BCL2L1: variants seen among roughly 807,000 people sequenced by gnomAD.
BCL2L1 encodes the protein bcl-2-like protein 1.
Under a neutral mutation model 18.7 loss-of-function variants are expected in BCL2L1, and 1 was observed. The observed-to-expected ratio is 0.05, with a 90% CI of 0.02 to 0.25. The LOEUF is 0.25. Ranked by LOEUF, BCL2L1 falls within the 10% of genes least tolerant of loss-of-function variation. The pLI is 1.00. For missense variants in BCL2L1, 207 were observed against 304.9 expected (o/e 0.68, Z 2.39); for synonymous variants, 103 against 122.7 (o/e 0.84, Z 1.06).
In BCL2L1 at chr20:31,722,291, T is replaced by TTAG. The variant is rs1201580297; in HGVS notation, c.-76_-74dup. ...CTCACTCACTGAGTCTCGTCTCTGG[T>TTAG]TAGTGATTCTCTTCTAAGATCCAAA... is the stretch of plus-strand genomic sequence containing the variant. On this transcript the variant is annotated 5_prime_UTR_variant, in exon 2 of 3. Coordinates refer to ENST00000307677, the MANE Select transcript of BCL2L1 (RefSeq NM_138578.3). The TTAG allele has an allele frequency of 8.8e-7, 1 of 1,137,578 alleles. No individual in the cohort carries two copies. Among genetic ancestry groups the TTAG allele is most frequent in the Non-Finnish European group, 1.2e-6 (1 of 841,820 alleles). The allele number at this position is 1,137,578 out of a possible 1,614,324, so 70.5% of individuals were successfully genotyped here. A position where few individuals can be genotyped will look rare whatever the true frequency, so the allele number is the denominator to read the frequency against.
chr20:31,710,272 A>G (rs1208642400), intron 2 of BCL2L1, among the ~76,000 whole-genome samples: 1 of 152,192 alleles, frequency 6.6e-6, no homozygotes, highest in African/African-American at 2.4e-5. Context: ...TAGGGAGGTG[A>G]TATCTGAGTT....
chr20:31,679,929 C>T (rs1271785079), intron 2 of BCL2L1, among the ~76,000 whole-genome samples: 1 of 152,206 alleles, frequency 6.6e-6, no homozygotes, highest in Non-Finnish European at 1.5e-5. Flanking sequence ...GATCTGCCTG[C>T]CTCAGCCTCC....
chr20:31,712,282 C>T (rs886398005), intron 2 of BCL2L1, among the ~76,000 whole-genome samples: 1 of 152,168 alleles, frequency 6.6e-6, no homozygotes, highest in African/African-American at 2.4e-5. Context: ...AGCTACCCTC[C>T]CAGGCTTTGC....
chr20:31,683,845 T>C (rs1011337725), intron 2 of BCL2L1, among the ~76,000 whole-genome samples: 10 of 137,038 alleles, frequency 7.3e-5, no homozygotes, highest in Non-Finnish European at 1.4e-4. Context: ...CCCCAGTAGC[T>C]AGAATAGTGG....
At chr20:31,687,773 T>A (rs1401998023) in intron 2 of BCL2L1, among the ~76,000 whole-genome samples, 1 of 151,844 alleles carries the variant, frequency 6.6e-6, no homozygotes, top group Non-Finnish European at 1.5e-5. Flanking sequence ...CAGACATATG[T>A]GGGTTCCTCA....
intron 2 of BCL2L1, chr20:31,713,624 T>C (rs1416897587): frequency 1.0e-6 from 1 of 976,956 alleles, no homozygotes. Context: ...TGAAACCAAA[T>C]AGCAGACGGT....
intron 2 of BCL2L1, 57 bp from the exon 3 acceptor site, chr20:31,666,143 G>A: frequency 6.3e-7 from 1 of 1,597,886 alleles, no homozygotes. Context: ...ATGTAGGTGG[G>A]TGGGGAAAGG....
intron 2 of BCL2L1, among the ~76,000 whole-genome samples, chr20:31,669,464 T>G (rs897103990): frequency 6.6e-6 from 1 of 151,180 alleles, no homozygotes; most frequent in Non-Finnish European, 1.5e-5. Flanking sequence ...GTGTCTTTTT[T>G]TTTTTTTAGA....
intron 2 of BCL2L1, among the ~76,000 whole-genome samples, chr20:31,704,903 AT>A (rs2061347545): frequency 6.6e-6 from 1 of 152,268 alleles, no homozygotes; most frequent in South Asian, 2.1e-4. Flanking sequence ...TTAAGCAAAT[AT>A]TAATGAGTTT....
chr20:31,721,620 A>G (rs768057786), intron 2 of BCL2L1, 35 bp downstream of exon 2: 1 of 1,549,188 alleles, frequency 6.5e-7, no homozygotes, highest in Non-Finnish European at 8.7e-7. Flanking sequence ...ACCAGAGGCC[A>G]AAGAAAAGGG....
intron 2 of BCL2L1, among the ~76,000 whole-genome samples, chr20:31,687,888 A>C (rs1461264271): frequency 6.6e-6 from 1 of 152,060 alleles, no homozygotes; most frequent in Non-Finnish European, 1.5e-5. Context: ...AGAGGCAGGT[A>C]AAGGTGTACT....
intron 2 of BCL2L1, among the ~76,000 whole-genome samples, chr20:31,677,425 C>T (rs1406479846): frequency 2.0e-5 from 3 of 152,126 alleles, no homozygotes; most frequent in Non-Finnish European, 4.4e-5. Context: ...CTCAAATGAT[C>T]CACCCACCTC....
At chr20:31,720,377 T>C (rs920253811) in intron 2 of BCL2L1, among the ~76,000 whole-genome samples, 1 of 152,192 alleles carries the variant, frequency 6.6e-6, no homozygotes, top group African/African-American at 2.4e-5. Flanking sequence ...GCTCCTTCAA[T>C]GGATGACTTA....
At chr20:31,691,221 A>G (rs2122624883) in intron 2 of BCL2L1, among the ~76,000 whole-genome samples, 1 of 142,538 alleles carries the variant, frequency 7.0e-6, no homozygotes, top group East Asian at 2.2e-4. Context: ...AATAAGCTCT[A>G]GGTATAACTT....
chr20:31,716,616 A>G (rs1324806596), intron 2 of BCL2L1: 1 of 152,208 alleles, frequency 6.6e-6, no homozygotes, highest in Non-Finnish European at 1.5e-5. Flanking sequence ...TTTCTCTTCA[A>G]TTAGGTATCT....
intron 2 of BCL2L1, among the ~76,000 whole-genome samples, chr20:31,667,106 G>A (rs1010056713): frequency 5.9e-5 from 9 of 152,146 alleles, no homozygotes; most frequent in African/African-American, 2.2e-4. Context: ...TCACCCAGCT[G>A]TGTCAGTGGT....
chr20:31,669,015 G>A (rs1353590678), intron 2 of BCL2L1, among the ~76,000 whole-genome samples: 1 of 151,868 alleles, frequency 6.6e-6, no homozygotes, highest in Non-Finnish European at 1.5e-5. Flanking sequence ...ACACTACACA[G>A]AATGACCACC....
intron 2 of BCL2L1, chr20:31,721,065 C>T (rs1171760310): frequency 1.3e-5 from 10 of 780,312 alleles, no homozygotes; most frequent in Non-Finnish European, 1.6e-5. Context: ...GCCTACACTG[C>T]CCCAAAATCT....
At chr20:31,698,884 A>T (rs911046346) in intron 2 of BCL2L1, among the ~76,000 whole-genome samples, 3 of 151,922 alleles carry the variant, frequency 2.0e-5, no homozygotes, top group Non-Finnish European at 4.4e-5. Context: ...TCTCCAATAT[A>T]TCTCCAATAG....
Sources: gnomAD v4.1 joint callset for allele counts (sites outside exome capture counted in the v4.1 genomes callset) on GRCh38, gnomAD v4.1.1 for gene constraint, MANE v1.5 for transcripts, NCBI Gene and HGNC (gene_info 2026-07-23, HGNC 2026-07-21) for gene names.